The following KLHL1 variants were observed in gnomAD, a reference collection of about 807,000 sequenced individuals.
KLHL1 encodes the protein kelch-like protein 1.
Under a neutral mutation model 77.7 loss-of-function variants are expected in KLHL1, and 47 were observed. The ratio of observed to expected loss-of-function variants is 0.60; its 90% CI spans 0.48 to 0.77. KLHL1 has a LOEUF of 0.77. Among genes scored for constraint, KLHL1 ranks in the 30% least tolerant of loss-of-function variants. The probability of loss-of-function intolerance (pLI) is 0.00; values close to 1 mark genes in which losing one functional copy is unlikely to be tolerated. For missense variants in KLHL1, 925 were observed against 910.8 expected (o/e 1.02, Z -0.20); for synonymous variants, 360 against 325.2 (o/e 1.11, Z -1.15).
At chr13:69,922,377 A>G (rs977344469) in intron 4 of KLHL1, among the ~76,000 whole-genome samples, 1 of 152,210 alleles carries the variant, frequency 6.6e-6, no homozygotes, top group African/African-American at 2.4e-5. Flanking sequence ...GGTGGAGAAC[A>G]GTAAATATCT....
At chr13:69,869,195 G>A (rs1042525419) in intron 5 of KLHL1, among the ~76,000 whole-genome samples, 1 of 152,026 alleles carries the variant, frequency 6.6e-6, no homozygotes, top group African/African-American at 2.4e-5. Context: ...AGTGACAGAA[G>A]CCTAAAATAA....
At position 69,721,328 on chromosome 13, in the gene KLHL1, T is replaced by C. The variant is rs115627544; in HGVS notation, c.1803-1747A>G. Among the ~76,000 whole-genome samples, 497 of 150,722 alleles carry C rather than the reference T, an allele frequency of 3.3e-3. 6 individuals are homozygous for C. The highest frequency in any genetic ancestry group is 0.011 in the African/African-American group (472 of 41,194). ...TGTATATCTTACACATATTGATTGA[T>C]GTCTCGTATCTCCCTAAAATGTATA... On this transcript the variant is annotated intron_variant, in intron 8 of 10. Coordinates refer to ENST00000377844, the MANE Select transcript of KLHL1 (RefSeq NM_020866.3).
At chr13:69,909,648 C>T (rs1389486529) in intron 4 of KLHL1, among the ~76,000 whole-genome samples, 1 of 151,742 alleles carries the variant, frequency 6.6e-6, no homozygotes, top group African/African-American at 2.4e-5. Context: ...CCTATTCATT[C>T]CATGCATGAG....
intron 8 of KLHL1, 72 bp from the exon 9 acceptor site, chr13:69,719,653 A>G: frequency 8.1e-7 from 1 of 1,236,036 alleles, no homozygotes; most frequent in Non-Finnish European, 1.1e-6. Flanking sequence ...AGGTCCTTTA[A>G]AATAAATTTT....
At chr13:69,718,737 T>C (rs1268033755) in intron 9 of KLHL1, among the ~76,000 whole-genome samples, 1 of 152,146 alleles carries the variant, frequency 6.6e-6, no homozygotes, top group African/African-American at 2.4e-5. Context: ...CTCTGCATAG[T>C]ATTCCTAGGC....
chr13:69,906,696 CAA>C (rs985136940), intron 4 of KLHL1, among the ~76,000 whole-genome samples: 5 of 151,784 alleles, frequency 3.3e-5, no homozygotes, highest in African/African-American at 1.2e-4. Context: ...AGCATGCTAA[CAA>C]AAGAGACAAA....
chr13:69,885,144 G>T (rs1007591342), intron 4 of KLHL1, among the ~76,000 whole-genome samples: 1 of 137,020 alleles, frequency 7.3e-6, no homozygotes, highest in African/African-American at 3.3e-5. Context: ...GTTTCACCGT[G>T]TTAGCCAGGA....
At chr13:70,028,059 G>T (rs557040411) in intron 1 of KLHL1, among the ~76,000 whole-genome samples, 1 of 152,220 alleles carries the variant, frequency 6.6e-6, no homozygotes, top group Admixed American at 6.5e-5. Flanking sequence ...GGTAGTACAA[G>T]GTGTAGGTAA....
At chr13:70,101,726 G>T (rs2137455214) in intron 1 of KLHL1, among the ~76,000 whole-genome samples, 1 of 152,232 alleles carries the variant, frequency 6.6e-6, no homozygotes, top group Non-Finnish European at 1.5e-5. Context: ...ACCACACCTG[G>T]CCAACAGCCC....
intron 7 of KLHL1, among the ~76,000 whole-genome samples, chr13:69,747,138 C>T (rs1397543637): frequency 1.3e-5 from 2 of 152,048 alleles, no homozygotes; most frequent in Non-Finnish European, 2.9e-5. Flanking sequence ...CTTAGTTTCT[C>T]TCTGATGACT....
intron 6 of KLHL1, among the ~76,000 whole-genome samples, chr13:69,809,134 A>C (rs1268128861): frequency 2.6e-5 from 4 of 152,164 alleles, no homozygotes; most frequent in African/African-American, 9.6e-5. Context: ...TGGAAGACAT[A>C]TTTGAGGATA....
rs1231223481 is a variant in KLHL1 at position 69,832,534 on chromosome 13, CT to C, written c.1414+6441del. On this transcript the variant is annotated intron_variant, in intron 6 of 10. Coordinates refer to ENST00000377844, the MANE Select transcript of KLHL1 (RefSeq NM_020866.3). ...AAATAATCATACTGCCAAAAGCAATCTAAAAATTCAATGCAATTCCCATCAA... is the reference window on the plus strand; with the variant it reads ...AAATAATCATACTGCCAAAAGCAATCAAAAATTCAATGCAATTCCCATCAA... Among the ~76,000 whole-genome samples the C allele has an allele frequency of 1.1e-4, 16 of 149,396 alleles. 1 individual carries two copies. Among genetic ancestry groups the C allele is most frequent in the Admixed American group, 8.7e-4 (13 of 14,898 alleles).
At chr13:69,815,288 G>C (rs1878072483) in intron 6 of KLHL1, among the ~76,000 whole-genome samples, 1 of 152,128 alleles carries the variant, frequency 6.6e-6, no homozygotes, top group Non-Finnish European at 1.5e-5. Flanking sequence ...CAATAGCAAA[G>C]ACATGGAATC....
intron 3 of KLHL1, among the ~76,000 whole-genome samples, chr13:69,952,306 T>C (rs887816944): frequency 4.0e-5 from 6 of 151,468 alleles, no homozygotes; most frequent in African/African-American, 1.5e-4. Context: ...TTTTCAGGCA[T>C]GGATCTATCA....
At chr13:69,928,086 T>C (rs1030209455) in intron 4 of KLHL1, among the ~76,000 whole-genome samples, 1 of 152,196 alleles carries the variant, frequency 6.6e-6, no homozygotes, top group African/African-American at 2.4e-5. Context: ...GGCACCCCCA[T>C]TGTTCCTATA....
At chr13:69,980,701 T>A (rs1884681206) in intron 1 of KLHL1, among the ~76,000 whole-genome samples, 1 of 152,078 alleles carries the variant, frequency 6.6e-6, no homozygotes, top group Non-Finnish European at 1.5e-5. Flanking sequence ...AAAAATAGAT[T>A]CAGGGGATAG....
At chr13:70,024,620 T>TTCTCTCTCTCTCTCTTTCTCTCTTTCTC (rs1885887656) in intron 1 of KLHL1, among the ~76,000 whole-genome samples, 1 of 130,288 alleles carries the variant, frequency 7.7e-6, no homozygotes, top group Non-Finnish European at 1.7e-5. Context: ...GAGAAAAGAT[T>TTCTCTCTCTCTCTCTTTCTCTCTTTCTC]TCTCTCTCTC....
chr13:69,875,951 T>G (rs552431451), intron 5 of KLHL1, among the ~76,000 whole-genome samples: 1 of 152,042 alleles, frequency 6.6e-6, no homozygotes, highest in East Asian at 1.9e-4. Context: ...AGCCAGCAAA[T>G]CAAAGGGGGA....
At chr13:70,066,119 A>AAATTTGC (rs1274970575) in intron 1 of KLHL1, among the ~76,000 whole-genome samples, 9 of 152,184 alleles carry the variant, frequency 5.9e-5, no homozygotes, top group African/African-American at 2.2e-4. Flanking sequence ...CAAGCAACAC[A>AAATTTGC]AGGGTTTGCA....
Sources: gnomAD v4.1 joint callset for allele counts (sites outside exome capture counted in the v4.1 genomes callset) on GRCh38, gnomAD v4.1.1 for gene constraint, MANE v1.5 for transcripts, NCBI Gene and HGNC (gene_info 2026-07-23, HGNC 2026-07-21) for gene names.